The following MLIP variants were observed in gnomAD, a reference collection of about 807,000 sequenced individuals.
The protein encoded by MLIP is muscular LMNA interacting protein.
In MLIP, 79 loss-of-function variants were observed where a neutral mutation model predicts 84.8. The ratio of observed to expected loss-of-function variants is 0.93; its 90% confidence interval spans 0.78 to 1.12. MLIP has a LOEUF of 1.12. Among genes scored for constraint, MLIP ranks in the 50% most tolerant of loss-of-function variants. The pLI, the probability that MLIP is intolerant of heterozygous loss-of-function variation, is 0.00. For missense variants in MLIP, 1,257 were observed against 1,160.6 expected (o/e 1.08, Z -1.21); for synonymous variants, 504 against 463.0 (o/e 1.09, Z -1.14).
At chr6:54,152,707 T>C (rs1252841411) in intron 5 of MLIP, among the ~76,000 whole-genome samples, 4 of 152,160 alleles carry the variant, frequency 2.6e-5, no homozygotes, top group African/African-American at 7.2e-5. Flanking sequence ...ATGTGTACTG[T>C]CTTTTTTAGA....
At chr6:54,166,850 A>G (rs1465817098) in intron 8 of MLIP, among the ~76,000 whole-genome samples, 1 of 151,948 alleles carries the variant, frequency 6.6e-6, no homozygotes, top group East Asian at 1.9e-4. Flanking sequence ...TCTTATCCTC[A>G]ATATGCATAC....
At chr6:54,043,435 A>G (rs1764860367) in intron 1 of MLIP, 1 of 152,250 alleles carries the variant, frequency 6.6e-6, no homozygotes, top group African/African-American at 2.4e-5. Flanking sequence ...GAGCTAACAC[A>G]GCATGTCATC....
intron 12 of MLIP, among the ~76,000 whole-genome samples, chr6:54,248,261 G>A (rs879308737): frequency 3.9e-5 from 6 of 152,070 alleles, no homozygotes; most frequent in Non-Finnish European, 7.4e-5. Context: ...GTATGATATT[G>A]AAAACAATTG....
chr6:54,219,164 C>G (rs1780047077), intron 11 of MLIP, among the ~76,000 whole-genome samples: 1 of 151,514 alleles, frequency 6.6e-6, no homozygotes, highest in South Asian at 2.1e-4. Context: ...CGAGATCATG[C>G]CACTGTACTC....
chr6:54,210,229 A>G (rs560033547), intron 11 of MLIP, among the ~76,000 whole-genome samples: 274 of 151,950 alleles, frequency 1.8e-3, no homozygotes, highest in African/African-American at 5.8e-3. Flanking sequence ...CAGTTCTTTC[A>G]TGGTAAGCTC....
At chr6:54,114,708 G>C (rs1359758023) in intron 1 of MLIP, among the ~76,000 whole-genome samples, 1 of 152,138 alleles carries the variant, frequency 6.6e-6, no homozygotes, top group Non-Finnish European at 1.5e-5. Context: ...CCCTCCACTA[G>C]AATATAAACT....
intron 9 of MLIP, among the ~76,000 whole-genome samples, chr6:54,178,116 G>A (rs1206526908): frequency 6.6e-6 from 1 of 152,112 alleles, no homozygotes. Context: ...ATGCCTAAGT[G>A]ATGGGTTGAT....
chr6:54,237,765 G>C (rs1323382431), intron 12 of MLIP, among the ~76,000 whole-genome samples: 1 of 151,626 alleles, frequency 6.6e-6, no homozygotes, highest in African/African-American at 2.4e-5. Context: ...TGGGAGGATT[G>C]TTTGAGCCCA....
intron 1 of MLIP, among the ~76,000 whole-genome samples, chr6:54,065,078 C>T (rs1766172582): frequency 1.0e-5 from 1 of 99,732 alleles, no homozygotes; most frequent in African/African-American, 2.6e-5. Context: ...TTCCTTGGCT[C>T]TTCATTTAGA....
At chr6:54,106,480 C>G, upstream of MLIP, among the ~76,000 whole-genome samples, 1 of 152,110 alleles carries the variant, frequency 6.6e-6, no homozygotes, top group East Asian at 1.9e-4. Flanking sequence ...GGCAATGATT[C>G]GGAAAGAAGA....
upstream of MLIP, among the ~76,000 whole-genome samples, chr6:54,108,974 A>G (rs1289910046): frequency 2.0e-5 from 3 of 151,882 alleles, no homozygotes; most frequent in East Asian, 5.8e-4. Flanking sequence ...GAACTTTGCG[A>G]TAAGAGTGAT....
intron 1 of MLIP, among the ~76,000 whole-genome samples, chr6:54,104,922 A>G (rs1768903815): frequency 6.6e-6 from 1 of 152,096 alleles, no homozygotes; most frequent in Non-Finnish European, 1.5e-5. Flanking sequence ...ACTGTGAGAC[A>G]CCTCCAAATA....
intron 1 of MLIP, among the ~76,000 whole-genome samples, chr6:54,119,900 C>T (rs1770287049): frequency 6.6e-6 from 1 of 152,170 alleles, no homozygotes; most frequent in South Asian, 2.1e-4. Context: ...TCTTCTACAT[C>T]TTAGTCTATT....
At chr6:54,164,249 C>T (rs574626196) in intron 8 of MLIP, among the ~76,000 whole-genome samples, 6 of 151,880 alleles carry the variant, frequency 4.0e-5, no homozygotes, top group East Asian at 3.9e-4. Flanking sequence ...ATATTTATTC[C>T]CACATGGGAC....
intron 1 of MLIP, among the ~76,000 whole-genome samples, chr6:54,075,653 T>A (rs1156524965): frequency 6.6e-6 from 1 of 152,194 alleles, no homozygotes; most frequent in African/African-American, 2.4e-5. Context: ...AAAGTGCTAT[T>A]TTTTCTAACT....
chr6:54,076,270 C>T (rs568144813), intron 1 of MLIP, among the ~76,000 whole-genome samples: 28 of 152,258 alleles, frequency 1.8e-4, no homozygotes, highest in Admixed American at 1.6e-3. Context: ...TATTAACCTT[C>T]CCAAAGCCAC....
upstream of MLIP, chr6:54,111,320 T>A (rs1769442934): frequency 7.9e-7 from 1 of 1,264,938 alleles, no homozygotes; most frequent in African/African-American, 1.5e-5. Flanking sequence ...AACAGAAATC[T>A]ACTCTTCGGA....
intron 9 of MLIP, among the ~76,000 whole-genome samples, chr6:54,176,259 G>A (rs1359891763): frequency 6.6e-6 from 1 of 151,038 alleles, no homozygotes; most frequent in Non-Finnish European, 1.5e-5. Context: ...GAGATTTGTA[G>A]TATTCCCTTC....
At chr6:54,134,456 TATA>T (rs770036511) in intron 3 of MLIP, among the ~76,000 whole-genome samples, 1 of 151,810 alleles carries the variant, frequency 6.6e-6, no homozygotes, top group African/African-American at 2.4e-5. Flanking sequence ...ATTAAGAAAA[TATA>T]ATAAAAATTA....
Sources: allele counts gnomAD v4.1 joint callset (sites outside exome capture counted in the v4.1 genomes callset), GRCh38; gene constraint gnomAD v4.1.1; transcripts MANE v1.5; gene names NCBI Gene and HGNC (gene_info 2026-07-23, HGNC 2026-07-21).